BSPRY: variants seen among roughly 807,000 people sequenced by gnomAD.
The protein encoded by BSPRY is B box and SPRY domain-containing protein.
Under a neutral mutation model 38.0 loss-of-function variants are expected in BSPRY, and 33 were observed. The ratio of observed to expected loss-of-function variants is 0.87; its 90% CI spans 0.66 to 1.16. BSPRY has a LOEUF of 1.16. BSPRY is among the 50% of genes most tolerant of loss of function. The pLI is 0.00. For synonymous variants in BSPRY, 224 were observed against 228.5 expected (o/e 0.98, Z 0.18); for missense variants, 523 against 533.2 (o/e 0.98, Z 0.19).
intron 4 of BSPRY, among the ~76,000 whole-genome samples, chr9:113,362,906 T>C (rs1834177681): frequency 6.6e-6 from 1 of 152,190 alleles, no homozygotes; most frequent in African/African-American, 2.4e-5. Context: ...CCTGCCTGAG[T>C]TCTAAAAGAG....
At position 113,370,552 on chromosome 9, in the gene BSPRY, A is replaced by AG. The variant is rs1219614489; in HGVS notation, c.*411dup. The AG allele has an allele frequency of 6.4e-6, 1 of 157,072 alleles. No homozygotes were observed. Among genetic ancestry groups the AG allele is most frequent in the African/African-American group, 2.4e-5 (1 of 41,642 alleles). 9.7% of individuals were successfully genotyped at this position (157,072 alleles called of 1,614,324 possible). A position where few individuals can be genotyped will look rare whatever the true frequency, so the allele number is the denominator to read the frequency against. Reference sequence around the variant, plus strand: ...GGGAACCTACTACTCCCTGGGCCTTAGTCTCCCAAATCCACCATGCATCTG... The same window carrying AG: ...GGGAACCTACTACTCCCTGGGCCTTAGGTCTCCCAAATCCACCATGCATCTG... On this transcript the variant is annotated 3_prime_UTR_variant, in exon 6 of 6. Transcript: ENST00000374183. The surrounding 1 kb of genome is among the most constrained non-coding windows in gnomAD (Gnocchi z 4.8).
chr9:113,360,814 G>A (rs1834141981), intron 3 of BSPRY, 77 bp downstream of exon 3: 13 of 1,207,606 alleles, frequency 1.1e-5, no homozygotes, highest in South Asian at 1.4e-5. Flanking sequence ...AATGTTTGTC[G>A]GTATGAGGAG....
At chr9:113,356,969 G>A (rs967182251) in intron 2 of BSPRY, among the ~76,000 whole-genome samples, 1 of 152,120 alleles carries the variant, frequency 6.6e-6, no homozygotes, top group East Asian at 1.9e-4. Context: ...AGTTGGGAGA[G>A]GGCTGGGTTG....
chr9:113,369,137 T>C (rs1255930309), intron 5 of BSPRY, among the ~76,000 whole-genome samples: 1 of 152,208 alleles, frequency 6.6e-6, no homozygotes, highest in African/African-American at 2.4e-5. Context: ...GCTTATCTCA[T>C]GCTTCCTAGC....
chr9:113,354,857 CT>C (rs58929640), intron 2 of BSPRY, among the ~76,000 whole-genome samples: 14,901 of 151,862 alleles, frequency 0.098, 763 homozygotes, highest in Non-Finnish European at 0.11. Flanking sequence ...ACTGCTGATT[CT>C]TTTTTTTAAT....
At chr9:113,354,025 A>G (rs1834015475) in intron 1 of BSPRY, among the ~76,000 whole-genome samples, 1 of 152,148 alleles carries the variant, frequency 6.6e-6, no homozygotes, top group South Asian at 2.1e-4. Flanking sequence ...TAGGTATCCT[A>G]GAATTAGGGA....
At chr9:113,367,906 C>T (rs1364244631) in intron 4 of BSPRY, among the ~76,000 whole-genome samples, 2 of 151,830 alleles carry the variant, frequency 1.3e-5, no homozygotes, top group African/African-American at 4.8e-5. Flanking sequence ...TCTTGGCTCA[C>T]TGCAGCCTCG....
At position 113,370,099 on chromosome 9, in the gene BSPRY, C is replaced by T. The variant is rs1263334773; in HGVS notation, c.1166C>T (p.Pro389Leu). The change falls in exon 6 of 6, where the codon CCA becomes CTA. Residue 389 changes from proline (P) to leucine (L), a missense_variant. Transcript: ENST00000374183. This position sits in a 1 kb window ranked among gnomAD's most constrained non-coding sequence, Gnocchi z 4.8. ...HHVSFPGPLF[P>L]VFAVADQTIS... ...GTGTCCTTCCCGGGGCCCCTCTTCC[C>T]AGTCTTTGCTGTGGCCGATCAGACC... The T allele has an allele frequency of 6.2e-7, 1 of 1,604,830 alleles. No individual in the cohort carries two copies. Among genetic ancestry groups the T allele is most frequent in the Admixed American group, 1.7e-5 (1 of 58,614 alleles).
chr9:113,370,231 GTGT>G lies in BSPRY; in HGVS notation c.*91_*93del, dbSNP rs1373385456. 6.9e-7 allele frequency: 1 copy of G among 1,446,664 alleles called. No individual in the cohort carries two copies. The highest frequency in any genetic ancestry group is 2.3e-5 in the Admixed American group (1 of 42,706). The allele number at this position is 1,446,664 out of a possible 1,614,324, so 89.6% of individuals were successfully genotyped here. Reference sequence around the variant, plus strand: ...GTGCTTTTCCCAAATGATGTGTGTGGTGTTTCTAAGAGAAACAGGGCCCATAAC... The same window carrying G: ...GTGCTTTTCCCAAATGATGTGTGTGGTTCTAAGAGAAACAGGGCCCATAAC... On this transcript the variant is annotated 3_prime_UTR_variant, in exon 6 of 6. Coordinates refer to ENST00000374183, the MANE Select transcript of BSPRY (RefSeq NM_017688.3). This position sits in a 1 kb window ranked among gnomAD's most constrained non-coding sequence, Gnocchi z 4.8.
At chr9:113,359,851 A>G (rs559629331) in intron 2 of BSPRY, among the ~76,000 whole-genome samples, 2 of 152,060 alleles carry the variant, frequency 1.3e-5, no homozygotes, top group South Asian at 4.2e-4. Flanking sequence ...CTTGGGCAAC[A>G]TGGTGAAACT....
Position 113,349,733 on chromosome 9 carries a change from C to A in BSPRY, c.154C>A (p.Arg52=). The A allele has an allele frequency of 8.1e-7, 1 of 1,239,360 alleles. No homozygotes were observed. Among genetic ancestry groups the A allele is most frequent in the South Asian group, 3.4e-5 (1 of 29,124 alleles). The allele number at this position is 1,239,360 out of a possible 1,614,324, so 76.8% of individuals were successfully genotyped here. A position where few individuals can be genotyped will look rare whatever the true frequency, so the allele number is the denominator to read the frequency against. Residue 52 remains arginine, a synonymous_variant, in exon 1 of 6, where the codon CGG becomes AGG. Transcript: ENST00000374183. ...AACAGLGGRC[R]GHRIRRAEER... is the part of the protein sequence containing the mutation. ...CTGCGCGGGGTTGGGCGGTCGCTGC[C>A]GGGGGCACCGCATCCGCCGGGCGGA...
At chr9:113,364,936 T>A (rs1006523374) in intron 4 of BSPRY, among the ~76,000 whole-genome samples, 2 of 147,460 alleles carry the variant, frequency 1.4e-5, no homozygotes, top group African/African-American at 5.1e-5. Context: ...TCTAGAATTA[T>A]TCCTTAGCTT....
Position 113,349,583 on chromosome 9 carries a change from T to TC in BSPRY, c.6dup (p.Ala3ArgfsTer73). 2 of 1,167,994 alleles carry TC rather than the reference T, an allele frequency of 1.7e-6. No individual in the cohort carries two copies. The highest frequency in any genetic ancestry group is 2.1e-6 in the Non-Finnish European group (2 of 948,154). 72.4% of individuals were successfully genotyped at this position (1,167,994 alleles called of 1,614,324 possible). ...CGCACGGGGCGGGCGCACGGCCATG[T>TC]CCGCCGAGGGCGCGGAGCCGGGGCC... On this transcript the variant is annotated frameshift_variant, in exon 1 of 6. Coordinates refer to ENST00000374183, the MANE Select transcript of BSPRY (RefSeq NM_017688.3). LOFTEE classifies it high-confidence loss of function.
chr9:113,352,158 A>G (rs1833983298), intron 1 of BSPRY, among the ~76,000 whole-genome samples: 1 of 152,156 alleles, frequency 6.6e-6, no homozygotes, highest in Admixed American at 6.5e-5. Flanking sequence ...TGATGCTCAT[A>G]GCTTTGAGAG....
intron 1 of BSPRY, among the ~76,000 whole-genome samples, chr9:113,352,408 A>G (rs533714323): frequency 6.6e-6 from 1 of 152,134 alleles, no homozygotes; most frequent in Non-Finnish European, 1.5e-5. Context: ...AAAGTAAGAG[A>G]TTGGGTGAGG....
chr9:113,356,464 A>G (rs975480648), intron 2 of BSPRY, among the ~76,000 whole-genome samples: 1 of 152,012 alleles, frequency 6.6e-6, no homozygotes, highest in African/African-American at 2.4e-5. Flanking sequence ...GAGACTGCGC[A>G]CTGCACTGCA....
intron 4 of BSPRY, among the ~76,000 whole-genome samples, chr9:113,365,546 C>A (rs1408447691): frequency 1.3e-5 from 2 of 152,178 alleles, no homozygotes; most frequent in African/African-American, 4.8e-5. Flanking sequence ...AAGAAGAAAA[C>A]CCCAGCTCAA....
chr9:113,360,887 G>A, intron 3 of BSPRY, 150 bp downstream of exon 3: 1 of 740,316 alleles, frequency 1.4e-6, no homozygotes, highest in Non-Finnish European at 2.2e-6. Context: ...CCAAACTTTA[G>A]TCAGGCTTCT....
chr9:113,368,211 A>G (rs1834282081), intron 4 of BSPRY, 48 bp from the exon 5 acceptor site: 2 of 1,604,892 alleles, frequency 1.2e-6, no homozygotes, highest in South Asian at 2.2e-5. Flanking sequence ...ATCCAGATAT[A>G]TTTCCAGAAC....
Sources: allele counts gnomAD v4.1 joint callset (sites outside exome capture counted in the v4.1 genomes callset), GRCh38; gene constraint gnomAD v4.1.1; non-coding constraint Gnocchi (gnomAD v3.1); transcripts MANE v1.5; gene names NCBI Gene and HGNC (gene_info 2026-07-23, HGNC 2026-07-21).